KANK1: variants seen among roughly 807,000 people sequenced by gnomAD.
KANK1 encodes the protein KN motif and ankyrin repeat domains 1.
KANK1 carries 109 observed loss-of-function variants against 106.2 expected under a neutral mutation model. That is an observed-to-expected ratio of 1.03 (90% CI 0.88 to 1.20). The LOEUF (loss-of-function observed/expected upper bound fraction) is 1.20. Among genes scored for constraint, KANK1 ranks in the 50% most tolerant of loss-of-function variants. KANK1 has a pLI of 0.00. For synonymous variants in KANK1, 873 were observed against 652.2 expected (o/e 1.34, Z -5.16); for missense variants, 2,399 against 1,710.7 (o/e 1.40, Z -7.10).
At chr9:557,863 G>T (rs1815254618) in intron 1 of KANK1, among the ~76,000 whole-genome samples, 1 of 152,170 alleles carries the variant, frequency 6.6e-6, no homozygotes, top group African/African-American at 2.4e-5. Context: ...AAATTAGCTG[G>T]GCATGGTGGC....
At chr9:627,593 C>T (rs770638099) in intron 1 of KANK1, among the ~76,000 whole-genome samples, 1 of 152,152 alleles carries the variant, frequency 6.6e-6, no homozygotes, top group Non-Finnish European at 1.5e-5. Context: ...TGCCTTTTAT[C>T]TTGTTTAATA....
In KANK1 at chr9:699,593, G is replaced by A. The variant is rs1323001448; in HGVS notation, c.38-11211G>A. 2.6e-5 allele frequency among the ~76,000 whole-genome samples: 4 copies of A among 152,096 alleles called. No homozygotes were observed. The East Asian group carries it at 7.7e-4, about 29-fold the overall frequency. On this transcript the variant is annotated intron_variant, in intron 2 of 11. Transcript: ENST00000382297. ...GCCAAAAGGAGTTAGGAAGGGTTAG[G>A]AGTACACGAAGCAAGACCACATTCT... is the stretch of plus-strand genomic sequence containing the variant.
chr9:525,554 A>AT (rs1200320479), intron 1 of KANK1, among the ~76,000 whole-genome samples: 1 of 147,962 alleles, frequency 6.8e-6, no homozygotes, highest in South Asian at 2.1e-4. Context: ...TAATTTTTGT[A>AT]TTTTTTTAGT....
intron 1 of KANK1, among the ~76,000 whole-genome samples, chr9:562,773 G>A (rs1384036938): frequency 6.6e-6 from 1 of 152,188 alleles, no homozygotes; most frequent in East Asian, 1.9e-4. Flanking sequence ...CTTTCTAATG[G>A]ATGAAAGAGC....
intron 1 of KANK1, among the ~76,000 whole-genome samples, chr9:624,864 C>T (rs1833976521): frequency 6.6e-6 from 1 of 152,126 alleles, no homozygotes; most frequent in Admixed American, 6.6e-5. Flanking sequence ...CTTACCAAGC[C>T]ACCAGTGAGA....
intron 1 of KANK1, among the ~76,000 whole-genome samples, chr9:560,005 A>G (rs1815968443): frequency 6.6e-6 from 1 of 152,080 alleles, no homozygotes. Flanking sequence ...TTTCCATCTG[A>G]CTCCATGTTT....
chr9:560,363 CTT>C (rs1273586528), intron 1 of KANK1, among the ~76,000 whole-genome samples: 1 of 152,102 alleles, frequency 6.6e-6, no homozygotes, highest in African/African-American at 2.4e-5. Context: ...TAACTGTTGA[CTT>C]TGTGCAATTC....
At chr9:529,234 T>TATATACACAC (rs1554613765) in intron 1 of KANK1, among the ~76,000 whole-genome samples, 4 of 148,704 alleles carry the variant, frequency 2.7e-5, no homozygotes, top group African/African-American at 1.0e-4. Flanking sequence ...TATATATATA[T>TATATACACAC]ACACACACAC....
intron 1 of KANK1, among the ~76,000 whole-genome samples, chr9:599,281 G>C (rs1201410872): frequency 6.6e-6 from 1 of 151,338 alleles, no homozygotes; most frequent in Non-Finnish European, 1.5e-5. Context: ...GCCTCCCAAA[G>C]TGCTGGGATT....
At chr9:700,619 G>A (rs1019320847) in intron 2 of KANK1, among the ~76,000 whole-genome samples, 2 of 152,180 alleles carry the variant, frequency 1.3e-5, no homozygotes, top group African/African-American at 2.4e-5. Flanking sequence ...GCTTTTAAAT[G>A]TGGAAATCTG....
At chr9:619,571 AAT>A (rs972225941) in intron 1 of KANK1, among the ~76,000 whole-genome samples, 17 of 152,192 alleles carry the variant, frequency 1.1e-4, no homozygotes. Context: ...GTATAATGAT[AAT>A]AGCTCTTCAG....
Position 712,846 on chromosome 9 carries a change from T to C in KANK1, c.2080T>C (p.Ser694Pro). 3 of 1,610,188 alleles carry C rather than the reference T, an allele frequency of 1.9e-6. No individual in the cohort carries two copies. Among genetic ancestry groups the C allele is most frequent in the Non-Finnish European group, 2.5e-6 (3 of 1,179,280 alleles). The stretch of plus-strand genomic sequence containing the variant: ...CACCGAGACGGCCACCCTCATAGAG[T>C]CCTGCACCAACACTTGTCTAAGCAC... ...TNTETATLIE[S>P]CTNTCLSTLD... The change falls in exon 3 of 12, where the codon TCC becomes CCC. Residue 694 changes from serine to proline, a missense_variant. Physicochemically the swap from Ser to Pro is moderately conservative, Grantham distance 74. Coordinates refer to ENST00000382297, the MANE Select transcript of KANK1 (RefSeq NM_015158.5).
At chr9:614,599 C>T in intron 1 of KANK1, among the ~76,000 whole-genome samples, 1 of 152,038 alleles carries the variant, frequency 6.6e-6, no homozygotes, top group East Asian at 1.9e-4. Flanking sequence ...GCAGGGTATT[C>T]TGCATTCCTG....
chr9:614,849 T>A (rs1831418796), intron 1 of KANK1, among the ~76,000 whole-genome samples: 1 of 152,204 alleles, frequency 6.6e-6, no homozygotes, highest in East Asian at 1.9e-4. Flanking sequence ...ACCTTAAACT[T>A]CTGCTCATTC....
At chr9:603,182 G>A (rs1828211397) in intron 1 of KANK1, among the ~76,000 whole-genome samples, 2 of 151,832 alleles carry the variant, frequency 1.3e-5, no homozygotes, top group Non-Finnish European at 2.9e-5. Context: ...GTGGCATTGT[G>A]TAAGAAATTT....
intron 1 of KANK1, among the ~76,000 whole-genome samples, chr9:599,916 G>C (rs1827291419): frequency 6.6e-6 from 1 of 151,680 alleles, no homozygotes; most frequent in Admixed American, 6.6e-5. Flanking sequence ...TGTGGTGTTG[G>C]TGTTTTATAG....
Position 603,911 on chromosome 9 carries a change from A to T in KANK1, c.-83-72979A>T, listed in dbSNP as rs573853246. Among the ~76,000 whole-genome samples the T allele has an allele frequency of 1.1e-4, 16 of 149,502 alleles. 1 individual carries two copies. The South Asian group carries it at 3.2e-3, about 30-fold the overall frequency. ...GAGGCAGAGGTTGCAGTGAGCCAAG[A>T]TCACGTCACTGTATTCCAGCTTGGG... On this transcript the variant is annotated intron_variant, in intron 1 of 11. Transcript: ENST00000382297.
At chr9:740,597 G>T (rs777222849) in intron 8 of KANK1, among the ~76,000 whole-genome samples, 195 bp from the exon 9 acceptor site, 1 of 152,068 alleles carries the variant, frequency 6.6e-6, no homozygotes, top group Non-Finnish European at 1.5e-5. Flanking sequence ...CAGGTGTCGT[G>T]AAATAGGGGG....
chr9:688,418 C>T (rs1021208533), intron 2 of KANK1, among the ~76,000 whole-genome samples: 4 of 152,138 alleles, frequency 2.6e-5, no homozygotes, highest in Non-Finnish European at 4.4e-5. Flanking sequence ...TCTGCCTGGC[C>T]AACGGGGTGA....
Sources: allele counts gnomAD v4.1 joint callset (sites outside exome capture counted in the v4.1 genomes callset), GRCh38; gene constraint gnomAD v4.1.1; transcripts MANE v1.5; gene names NCBI Gene and HGNC (gene_info 2026-07-23, HGNC 2026-07-21).